Variants in RBFOX1 observed in about 807,000 individuals in gnomAD.
RBFOX1 encodes RNA binding fox-1 homolog 1.
In RBFOX1, 8 loss-of-function variants were observed where a neutral mutation model predicts 57.7. The ratio of observed to expected loss-of-function variants is 0.14; its 90% CI spans 0.08 to 0.25. The LOEUF (loss-of-function observed/expected upper bound fraction) is 0.25, where lower values mean the gene tolerates loss of function less well. RBFOX1 is among the 10% of genes least tolerant of loss of function. The probability of loss-of-function intolerance (pLI) is 1.00; values close to 1 mark genes in which losing one functional copy is unlikely to be tolerated. For missense variants in RBFOX1, 611 were observed against 548.5 expected, an observed-to-expected ratio of 1.11 and a Z score of -1.14; for synonymous variants, 326 against 222.4, an observed-to-expected ratio of 1.47 and a Z score of -4.15.
intron 1 of RBFOX1, among the ~76,000 whole-genome samples, chr16:5,418,480 A>G (rs1010186972): frequency 9.2e-5 from 14 of 152,216 alleles, no homozygotes; most frequent in Non-Finnish European, 1.8e-4. Context: ...TATTGGTTAC[A>G]GGACAGAGGG....
chr16:5,942,831 G>A (rs562619278), intron 4 of RBFOX1, among the ~76,000 whole-genome samples: 1 of 152,310 alleles, frequency 6.6e-6, no homozygotes, highest in African/African-American at 2.4e-5. Flanking sequence ...CTTTCAAGCT[G>A]AGGGCCCAGG....
chr16:5,370,945 C>T (rs557390767), intron 1 of RBFOX1, among the ~76,000 whole-genome samples: 5 of 152,302 alleles, frequency 3.3e-5, no homozygotes, highest in East Asian at 1.9e-4. Flanking sequence ...ATCCCTAACC[C>T]GCAGGACCTC....
intron 12 of RBFOX1, among the ~76,000 whole-genome samples, chr16:7,655,052 A>T (rs1167004293): frequency 6.6e-6 from 1 of 152,200 alleles, no homozygotes; most frequent in African/African-American, 2.4e-5. Flanking sequence ...GACTGTGTGA[A>T]AAGGGTTAAA....
At chr16:7,294,448 G>T (rs548380253) in intron 4 of RBFOX1, among the ~76,000 whole-genome samples, 3 of 151,484 alleles carry the variant, frequency 2.0e-5, no homozygotes, top group Admixed American at 1.3e-4. Context: ...ACATATGTCA[G>T]TTGGCTGCTC....
chr16:6,750,097 T>C (rs573765589), intron 3 of RBFOX1, among the ~76,000 whole-genome samples: 72 of 152,300 alleles, frequency 4.7e-4, no homozygotes, highest in Non-Finnish European at 9.3e-4. Context: ...TATAGGGTTA[T>C]GATCTTTCTG....
At chr16:6,635,986 A>C (rs996495618) in intron 2 of RBFOX1, among the ~76,000 whole-genome samples, 1 of 152,154 alleles carries the variant, frequency 6.6e-6, no homozygotes, top group African/African-American at 2.4e-5. Context: ...CTTATGCTTT[A>C]TATGCACATC....
At chr16:7,344,663 C>G (rs182361714) in intron 4 of RBFOX1, among the ~76,000 whole-genome samples, 2 of 151,818 alleles carry the variant, frequency 1.3e-5, no homozygotes, top group African/African-American at 2.4e-5. Context: ...TAATTTCTAC[C>G]ACTTTGAAGC....
chr16:6,518,089 C>T (rs1458953311), intron 2 of RBFOX1, among the ~76,000 whole-genome samples: 1 of 152,108 alleles, frequency 6.6e-6, no homozygotes, highest in Non-Finnish European at 1.5e-5. Flanking sequence ...TTTCTTTTCA[C>T]CCCTAAATGT....
At chr16:7,325,340 A>T (rs552532359) in intron 4 of RBFOX1, among the ~76,000 whole-genome samples, 1 of 152,364 alleles carries the variant, frequency 6.6e-6, no homozygotes, top group South Asian at 2.1e-4. Context: ...CACACAGCTG[A>T]TAACTGGTAG....
intron 3 of RBFOX1, among the ~76,000 whole-genome samples, chr16:6,934,366 T>A (rs1285279826): frequency 1.3e-5 from 2 of 152,194 alleles, no homozygotes; most frequent in Non-Finnish European, 2.9e-5. Context: ...AATATGTGAG[T>A]ATTTTTTTAC....
chr16:6,916,586 C>A (rs762003672), intron 3 of RBFOX1, among the ~76,000 whole-genome samples: 2 of 151,948 alleles, frequency 1.3e-5, no homozygotes, highest in African/African-American at 4.8e-5. Flanking sequence ...GTGACCTACA[C>A]ACTTGTAAGG....
intron 3 of RBFOX1, among the ~76,000 whole-genome samples, chr16:6,875,981 C>T (rs188220845): frequency 6.6e-6 from 1 of 151,546 alleles, no homozygotes; most frequent in African/African-American, 2.4e-5. Context: ...CTGGGCAACA[C>T]AGTGGAACTT....
intron 1 of RBFOX1, among the ~76,000 whole-genome samples, chr16:5,431,060 G>A (rs1047622908): frequency 1.4e-4 from 22 of 152,304 alleles, no homozygotes; most frequent in South Asian, 6.2e-4. Flanking sequence ...CTCTTTCTCC[G>A]TAGTGACATT....
At chr16:7,587,362 G>T in intron 7 of RBFOX1, 62 bp downstream of exon 7, 1 of 1,429,574 alleles carries the variant, frequency 7.0e-7, no homozygotes, top group African/African-American at 1.4e-5. Context: ...TTATGAATAA[G>T]GGGAAACAAC....
chr16:6,701,509 C>G (rs1220566586), intron 3 of RBFOX1, among the ~76,000 whole-genome samples: 1 of 152,164 alleles, frequency 6.6e-6, no homozygotes, highest in Non-Finnish European at 1.5e-5. Context: ...AAGCATGGCA[C>G]CAGCATTTGC....
At chr16:7,076,377 T>G (rs993586360) in intron 4 of RBFOX1, among the ~76,000 whole-genome samples, 2 of 152,126 alleles carry the variant, frequency 1.3e-5, no homozygotes, top group African/African-American at 4.8e-5. Context: ...AATCATTTAT[T>G]TTACCCGAGT....
chr16:6,860,923 G>C (rs1459352381), intron 3 of RBFOX1, among the ~76,000 whole-genome samples: 1 of 152,034 alleles, frequency 6.6e-6, no homozygotes, highest in East Asian at 1.9e-4. Flanking sequence ...ATATGAATGT[G>C]CCCAAAAATA....
intron 3 of RBFOX1, among the ~76,000 whole-genome samples, chr16:5,803,135 C>T (rs941497158): frequency 3.9e-5 from 6 of 152,066 alleles, no homozygotes; most frequent in South Asian, 2.1e-4. Context: ...TCTCTCCATC[C>T]GCTGTATCCC....
chr16:5,662,359 A>T (rs1156974252), intron 3 of RBFOX1, among the ~76,000 whole-genome samples: 1 of 152,156 alleles, frequency 6.6e-6, no homozygotes, highest in African/African-American at 2.4e-5. Flanking sequence ...TAAAATGAGA[A>T]CTTTCTAAAA....
Sources: gnomAD v4.1 joint callset for allele counts (sites outside exome capture counted in the v4.1 genomes callset) on GRCh38, gnomAD v4.1.1 for gene constraint, MANE v1.5 for transcripts, NCBI Gene and HGNC (gene_info 2026-07-23, HGNC 2026-07-21) for gene names.